Variants in MSRA observed in about 807,000 individuals in gnomAD.
The protein encoded by MSRA is methionine sulfoxide reductase A, also known as mitochondrial peptide methionine sulfoxide reductase.
MSRA carries 54 observed loss-of-function variants against 31.3 expected under a neutral mutation model. The observed-to-expected ratio is 1.73, with a 90% CI of 1.39 to 2.17. MSRA has a LOEUF of 2.17. Ranked by LOEUF, MSRA falls within the 30% of genes most tolerant of loss-of-function variation. The pLI is 0.00. For synonymous variants in MSRA, 169 were observed against 116.5 expected, an observed-to-expected ratio of 1.45 and a Z score of -2.90; for missense variants, 507 against 300.9, an observed-to-expected ratio of 1.69 and a Z score of -5.07.
chr8:10,118,913 T>C (rs1800890611), intron 1 of MSRA, among the ~76,000 whole-genome samples: 1 of 152,152 alleles, frequency 6.6e-6, no homozygotes, highest in Non-Finnish European at 1.5e-5. Context: ...ATGTGGAATA[T>C]GGGAAGGCAA....
chr8:10,173,606 C>T (rs1805787495), intron 1 of MSRA, among the ~76,000 whole-genome samples: 1 of 152,186 alleles, frequency 6.6e-6, no homozygotes, highest in Admixed American at 6.5e-5. Context: ...GTATGCTCAG[C>T]ACTCCTTGGG....
intron 5 of MSRA, among the ~76,000 whole-genome samples, chr8:10,369,771 A>G (rs1272778672): frequency 6.6e-6 from 1 of 152,232 alleles, no homozygotes; most frequent in African/African-American, 2.4e-5. Context: ...AGGGCCAGTT[A>G]ATCCAAAAAA....
intron 3 of MSRA, among the ~76,000 whole-genome samples, chr8:10,294,723 C>G (rs1039177722): frequency 6.6e-6 from 1 of 152,160 alleles, no homozygotes; most frequent in African/African-American, 2.4e-5. Context: ...GCACTGCGGG[C>G]TACAGCAGAG....
intron 2 of MSRA, among the ~76,000 whole-genome samples, chr8:10,241,285 A>G (rs948720407): frequency 1.1e-4 from 17 of 152,152 alleles, no homozygotes; most frequent in African/African-American, 4.1e-4. Context: ...AGTCTGGGAC[A>G]TCCTGTCAAA....
intron 1 of MSRA, among the ~76,000 whole-genome samples, chr8:10,156,733 G>A (rs953283819): frequency 6.6e-6 from 1 of 151,520 alleles, no homozygotes; most frequent in Non-Finnish European, 1.5e-5. Context: ...CTTTTGACCA[G>A]TGGTGATGGA....
At chr8:10,152,740 A>G (rs996304930) in intron 1 of MSRA, among the ~76,000 whole-genome samples, 2 of 152,224 alleles carry the variant, frequency 1.3e-5, no homozygotes, top group African/African-American at 4.8e-5. Flanking sequence ...CAGCAGCAGT[A>G]TTCACAATAG....
intron 5 of MSRA, among the ~76,000 whole-genome samples, chr8:10,336,379 T>G (rs917626587): frequency 1.3e-5 from 2 of 152,200 alleles, no homozygotes; most frequent in South Asian, 2.1e-4. Context: ...CTGTGTGGTT[T>G]CAGGAATCCA....
In MSRA at chr8:10,299,164, G is replaced by T. The variant is rs184455760; in HGVS notation, c.332-2370G>T. Among the ~76,000 whole-genome samples the T allele has an allele frequency of 4.3e-3, 655 of 152,120 alleles. 4 individuals carry two copies. Among genetic ancestry groups the T allele is most frequent in the Non-Finnish European group, 6.7e-3 (456 of 67,974 alleles). ...CACTAAAAATGTTGGCATTTTGCAT[G>T]TCTCAATTTACATGTATTTCTTCAC... is the stretch of plus-strand genomic sequence containing the variant. On this transcript the variant is annotated intron_variant, in intron 3 of 5. Transcript: ENST00000317173.
At chr8:10,100,299 T>C (rs895344085) in intron 1 of MSRA, among the ~76,000 whole-genome samples, 1 of 151,952 alleles carries the variant, frequency 6.6e-6, no homozygotes, top group African/African-American at 2.4e-5. Flanking sequence ...GTCAGGAGCA[T>C]TGTGTATAGT....
At chr8:10,205,998 T>A (rs957240) in intron 1 of MSRA, among the ~76,000 whole-genome samples, 43,278 of 152,170 alleles carry the variant, frequency 0.28, 7,399 homozygotes, top group African/African-American at 0.48. Context: ...GATTTTGTTA[T>A]TACAGGTAAT....
chr8:10,178,379 C>T (rs1694750235), intron 1 of MSRA, among the ~76,000 whole-genome samples: 1 of 151,748 alleles, frequency 6.6e-6, no homozygotes, highest in African/African-American at 2.4e-5. Flanking sequence ...CACTTGAGCC[C>T]AGGAGTTCAA....
At chr8:10,342,397 G>C (rs1390724144) in intron 5 of MSRA, among the ~76,000 whole-genome samples, 1 of 152,208 alleles carries the variant, frequency 6.6e-6, no homozygotes, top group Non-Finnish European at 1.5e-5. Context: ...GTAGCTTCCA[G>C]AAAACTTCAC....
At chr8:10,303,441 A>C (rs372284240) in intron 4 of MSRA, among the ~76,000 whole-genome samples, 75 of 152,302 alleles carry the variant, frequency 4.9e-4, no homozygotes, top group African/African-American at 1.6e-3. Flanking sequence ...TTGGCCTTCT[A>C]TGGGCTCTGT....
intron 2 of MSRA, among the ~76,000 whole-genome samples, chr8:10,220,452 C>G (rs572999249): frequency 2.0e-5 from 3 of 152,314 alleles, no homozygotes; most frequent in African/African-American, 7.2e-5. Flanking sequence ...TTAGCATAAG[C>G]TGAGTGAACA....
chr8:10,146,564 G>A (rs1027189670), intron 1 of MSRA, among the ~76,000 whole-genome samples: 1 of 152,130 alleles, frequency 6.6e-6, no homozygotes, highest in African/African-American at 2.4e-5. Context: ...AGGTACCAGG[G>A]GTATTTTGGG....
intron 3 of MSRA, among the ~76,000 whole-genome samples, chr8:10,251,159 C>G (rs1797896238): frequency 6.6e-6 from 1 of 151,788 alleles, no homozygotes. Context: ...AGAACTCTAA[C>G]TGAGCAAGGA....
At chr8:10,130,463 T>C (rs1801816952) in intron 1 of MSRA, among the ~76,000 whole-genome samples, 1 of 152,214 alleles carries the variant, frequency 6.6e-6, no homozygotes, top group South Asian at 2.1e-4. Flanking sequence ...TGATCATTGT[T>C]CTCTTTCTGT....
At chr8:10,400,043 A>G (rs923143533) in intron 5 of MSRA, among the ~76,000 whole-genome samples, 12 of 152,326 alleles carry the variant, frequency 7.9e-5, no homozygotes, top group Non-Finnish European at 1.2e-4. Context: ...TTTAGGGACT[A>G]GCAGCCATTT....
At chr8:10,304,303 C>G (rs1412317609) in intron 4 of MSRA, among the ~76,000 whole-genome samples, 1 of 152,210 alleles carries the variant, frequency 6.6e-6, no homozygotes, top group African/African-American at 2.4e-5. Context: ...GGTTAATGCA[C>G]ATGGAAAATA....
Sources: allele counts gnomAD v4.1 joint callset (sites outside exome capture counted in the v4.1 genomes callset), GRCh38; gene constraint gnomAD v4.1.1; transcripts MANE v1.5; gene names NCBI Gene and HGNC (gene_info 2026-07-23, HGNC 2026-07-21).